UST: variants seen among roughly 807,000 people sequenced by gnomAD.
The protein encoded by UST is uronyl 2-sulfotransferase, also known as chondroitin sulfate 2-O-sulfotransferase.
UST carries 21 observed loss-of-function variants against 45.6 expected under a neutral mutation model. That is an observed-to-expected ratio of 0.46 (90% CI 0.33 to 0.66). UST has a LOEUF of 0.66. Among genes scored for constraint, UST ranks in the 30% least tolerant of loss-of-function variants. UST has a pLI of 0.02. For missense variants in UST, 463 were observed against 512.4 expected (o/e 0.90, Z 0.93); for synonymous variants, 215 against 200.6 (o/e 1.07, Z -0.61).
chr6:148,911,935 G>A (rs1308872475), intron 2 of UST, among the ~76,000 whole-genome samples: 3 of 152,168 alleles, frequency 2.0e-5, no homozygotes, highest in Non-Finnish European at 2.9e-5. Flanking sequence ...AGTGGCTCAC[G>A]CCTGTAATCC....
chr6:148,850,570 A>T, intron 1 of UST, among the ~76,000 whole-genome samples: 1 of 152,204 alleles, frequency 6.6e-6, no homozygotes, highest in East Asian at 1.9e-4. Context: ...CCTCATTATG[A>T]TTCTGAAGGG....
chr6:148,936,915 G>A (rs1205754912), intron 2 of UST, among the ~76,000 whole-genome samples: 3 of 151,910 alleles, frequency 2.0e-5, no homozygotes, highest in South Asian at 4.2e-4. Flanking sequence ...GGCTGGTCTC[G>A]AACTCCTGAC....
chr6:148,795,189 G>A (rs147688860), intron 1 of UST, among the ~76,000 whole-genome samples: 1 of 152,322 alleles, frequency 6.6e-6, no homozygotes, highest in African/African-American at 2.4e-5. Flanking sequence ...GCTGTAGTAA[G>A]AAATATTTGA....
chr6:148,770,436 C>A (rs1202934377), intron 1 of UST, among the ~76,000 whole-genome samples: 3 of 151,070 alleles, frequency 2.0e-5, no homozygotes, highest in African/African-American at 7.3e-5. Context: ...TGGCCAGAAA[C>A]CATGGTAGGG....
chr6:149,050,751 C>A (rs900125987), intron 7 of UST, among the ~76,000 whole-genome samples: 1 of 152,148 alleles, frequency 6.6e-6, no homozygotes, highest in African/African-American at 2.4e-5. Context: ...TAAATTGATT[C>A]TGAGTTTTTA....
intron 2 of UST, among the ~76,000 whole-genome samples, chr6:148,928,658 G>T (rs1779865605): frequency 6.6e-6 from 1 of 152,206 alleles, no homozygotes; most frequent in Non-Finnish European, 1.5e-5. Flanking sequence ...ATCTATGCTG[G>T]TGGATTGCGT....
chr6:149,012,940 CT>C (rs1335147235), intron 5 of UST, among the ~76,000 whole-genome samples: 19 of 151,916 alleles, frequency 1.3e-4, no homozygotes, highest in Admixed American at 2.0e-4. Flanking sequence ...GGTAAAGTAA[CT>C]GGTATAAATG....
intron 5 of UST, among the ~76,000 whole-genome samples, chr6:149,002,249 A>G (rs1183942656): frequency 2.0e-5 from 3 of 152,148 alleles, no homozygotes; most frequent in Non-Finnish European, 4.4e-5. Context: ...TATTAAACCA[A>G]CAGAAGACAT....
chr6:149,008,535 T>C (rs1450215280), intron 5 of UST, among the ~76,000 whole-genome samples: 3 of 152,168 alleles, frequency 2.0e-5, no homozygotes, highest in African/African-American at 7.2e-5. Context: ...AAAACAAGGT[T>C]GAAACCCTTG....
chr6:148,829,140 G>GGGATGGATGGAT (rs61564934), intron 1 of UST, among the ~76,000 whole-genome samples: 16 of 149,370 alleles, frequency 1.1e-4, no homozygotes, highest in East Asian at 2.0e-4. Flanking sequence ...GTTAAGCCCT[G>GGGATGGATGGAT]GGATGGATGG....
At chr6:148,820,313 C>T (rs893296235) in intron 1 of UST, among the ~76,000 whole-genome samples, 5 of 151,998 alleles carry the variant, frequency 3.3e-5, no homozygotes, top group Non-Finnish European at 5.9e-5. Flanking sequence ...TCTCAAGACA[C>T]GTGTGTGTGT....
intron 3 of UST, among the ~76,000 whole-genome samples, chr6:148,946,204 C>T (rs1031177716): frequency 3.3e-5 from 5 of 152,060 alleles, no homozygotes; most frequent in African/African-American, 1.2e-4. Flanking sequence ...CATGGTTAAT[C>T]GGGCCTCTGT....
intron 2 of UST, among the ~76,000 whole-genome samples, chr6:148,935,734 GATAT>G (rs1371615278): frequency 6.6e-6 from 1 of 152,160 alleles, no homozygotes; most frequent in Admixed American, 6.5e-5. Flanking sequence ...GACCGCCTGT[GATAT>G]ATCAGGGGAA....
intron 2 of UST, among the ~76,000 whole-genome samples, chr6:148,905,174 C>T (rs1356864971): frequency 2.6e-5 from 4 of 152,162 alleles, no homozygotes; most frequent in South Asian, 2.1e-4. Flanking sequence ...GTGCTGGCTT[C>T]GCAATGATGG....
intron 1 of UST, among the ~76,000 whole-genome samples, chr6:148,857,947 G>T (rs900529489): frequency 6.6e-6 from 1 of 151,382 alleles, no homozygotes. Flanking sequence ...ACACTTGGGC[G>T]AAAATGAAAA....
chr6:149,036,354 C>T (rs939101368), intron 7 of UST, among the ~76,000 whole-genome samples: 2 of 152,216 alleles, frequency 1.3e-5, no homozygotes, highest in African/African-American at 4.8e-5. Flanking sequence ...TCTGCTTTGC[C>T]TAATCGGATG....
chr6:149,021,384 C>A lies in UST; in HGVS notation c.840C>A (p.Leu280=), dbSNP rs1357981268. 1.9e-6 allele frequency: 3 copies of A among 1,614,002 alleles called. No individual in the cohort carries two copies. The highest frequency in any genetic ancestry group is 2.5e-6 in the Non-Finnish European group (3 of 1,180,030). The change falls in exon 7 of 8, where the codon CTC becomes CTA. Residue 280 remains leucine, a synonymous_variant. Transcript: ENST00000367463. ...TGAACGTGAATGAAAACTTCCTGCT[C>A]GTGGGGATTCTTGAAGAGTTGGAAG... The part of the protein sequence containing the change: ...AKLNVNENFL[L]VGILEELEDV...
chr6:149,072,435 C>T (rs1228086447), intron 7 of UST, among the ~76,000 whole-genome samples: 1 of 152,114 alleles, frequency 6.6e-6, no homozygotes, highest in African/African-American at 2.4e-5. Flanking sequence ...AGGTGGATCA[C>T]CTGAGGTCGG....
At chr6:148,998,779 T>C (rs1781495379) in intron 5 of UST, among the ~76,000 whole-genome samples, 1 of 152,250 alleles carries the variant, frequency 6.6e-6, no homozygotes, top group Non-Finnish European at 1.5e-5. Context: ...CTTCAGAATA[T>C]AATCAGCGCA....
Sources: gnomAD v4.1 joint callset for allele counts (sites outside exome capture counted in the v4.1 genomes callset) on GRCh38, gnomAD v4.1.1 for gene constraint, MANE v1.5 for transcripts, NCBI Gene and HGNC (gene_info 2026-07-23, HGNC 2026-07-21) for gene names.